Variants in SHLD1 observed in about 807,000 individuals in gnomAD.
SHLD1 encodes the protein RINN1-REV7-interacting novel NHEJ regulator 3.
SHLD1 carries 3 observed loss-of-function variants against 5.5 expected under a neutral mutation model. That is an observed-to-expected ratio of 0.54 (90% CI 0.25 to 1.40). SHLD1 has a LOEUF of 1.40. Ranked by LOEUF, SHLD1 falls within the 40% of genes most tolerant of loss-of-function variation. The pLI is 0.15. For missense variants in SHLD1, 210 were observed against 244.4 expected (o/e 0.86, Z 0.94); for synonymous variants, 92 against 94.3 (o/e 0.98, Z 0.14).
chr20:5,813,945 C>CTTTTTTTTTTTTTTTTTTTT (rs143110037), intron 2 of SHLD1, among the ~76,000 whole-genome samples: 1 of 79,974 alleles, frequency 1.3e-5, no homozygotes, highest in Non-Finnish European at 2.3e-5. Context: ...CCTTTTCTTT[C>CTTTTTTTTTTTTTTTTTTTT]TTTTTTTTTT....
intron 2 of SHLD1, among the ~76,000 whole-genome samples, chr20:5,827,769 G>A (rs890708002): frequency 3.9e-5 from 6 of 152,234 alleles, no homozygotes; most frequent in African/African-American, 1.4e-4. Flanking sequence ...CTTGCCTCCA[G>A]TTAGCTTCCC....
chr20:5,820,914 A>G (rs1208301874), intron 2 of SHLD1, among the ~76,000 whole-genome samples: 2 of 152,184 alleles, frequency 1.3e-5, no homozygotes, highest in African/African-American at 4.8e-5. Flanking sequence ...GCTGTCTTAG[A>G]GCTACACAAA....
At chr20:5,819,681 G>A (rs1175803572) in intron 2 of SHLD1, among the ~76,000 whole-genome samples, 1 of 152,168 alleles carries the variant, frequency 6.6e-6, no homozygotes, top group South Asian at 2.1e-4. Context: ...AATTAGCCAG[G>A]CATGGTGGAG....
intron 2 of SHLD1, among the ~76,000 whole-genome samples, chr20:5,789,623 T>G (rs1291620481): frequency 1.3e-5 from 2 of 149,558 alleles, no homozygotes; most frequent in Non-Finnish European, 3.0e-5. Flanking sequence ...AAAAAAAAAC[T>G]TTTGGAACTT....
intron 2 of SHLD1, among the ~76,000 whole-genome samples, chr20:5,787,797 A>G (rs893260301): frequency 6.6e-6 from 1 of 152,220 alleles, no homozygotes; most frequent in Non-Finnish European, 1.5e-5. Context: ...CATTTGTAAA[A>G]TTATCATAAA....
At chr20:5,757,231 C>T (rs1443050084) in intron 1 of SHLD1, among the ~76,000 whole-genome samples, 1 of 151,820 alleles carries the variant, frequency 6.6e-6, no homozygotes, top group Non-Finnish European at 1.5e-5. Context: ...AGTACACCAC[C>T]ACGCCCAGCT....
In SHLD1 at chr20:5,769,403, A is replaced by G. The variant is rs537772020; in HGVS notation, c.-4-3459A>G. Among the ~76,000 whole-genome samples the G allele has an allele frequency of 8.3e-4, 126 of 152,358 alleles. 1 individual carries two copies. The highest frequency in any genetic ancestry group is 6.8e-3 in the Middle Eastern group (2 of 294). ...GTAAACAAATACTGAGTTAAAGACC[A>G]TCAATAGCAGGGGAAAGTACAGCAG... is the stretch of plus-strand genomic sequence containing the variant. On this transcript the variant is annotated intron_variant, in intron 1 of 2. Transcript: ENST00000303142.
At chr20:5,854,115 C>T (rs531810683) in intron 2 of SHLD1, among the ~76,000 whole-genome samples, 3 of 151,906 alleles carry the variant, frequency 2.0e-5, no homozygotes, top group African/African-American at 7.3e-5. Flanking sequence ...AAGCAATTCT[C>T]CTGCCTCAGC....
At position 5,772,953 on chromosome 20, in the gene SHLD1, G is replaced by T. The variant is rs761567360; in HGVS notation, c.88G>T (p.Val30Phe). ...LPSACDIRDY[V>F]LQGPSQEANS... is the part of the protein sequence containing the mutation. Reference sequence around the variant, plus strand: ...ATCAGCGTGTGACATAAGAGATTACGTCCTGCAGGGACCCAGCCAAGAAGC... The same window carrying T: ...ATCAGCGTGTGACATAAGAGATTACTTCCTGCAGGGACCCAGCCAAGAAGC... The change falls in exon 2 of 3, where the codon GTC becomes TTC. Residue 30 changes from valine to phenylalanine, a missense_variant. Physicochemically the swap from Val to Phe is conservative, Grantham distance 50. Coordinates refer to ENST00000303142, the MANE Select transcript of SHLD1 (RefSeq NM_152504.4). 5.0e-6 allele frequency: 8 copies of T among 1,614,116 alleles called. No individual in the cohort carries two copies. Among genetic ancestry groups the T allele is most frequent in the Non-Finnish European group, 5.9e-6 (7 of 1,180,012 alleles).
intron 2 of SHLD1, among the ~76,000 whole-genome samples, chr20:5,820,632 A>G (rs1321299745): frequency 6.6e-6 from 1 of 152,262 alleles, no homozygotes; most frequent in African/African-American, 2.4e-5. Flanking sequence ...AAAAAAGGAT[A>G]GTTGTGAAAG....
intron 2 of SHLD1, among the ~76,000 whole-genome samples, chr20:5,792,425 T>C (rs1349431916): frequency 6.6e-6 from 1 of 152,094 alleles, no homozygotes; most frequent in African/African-American, 2.4e-5. Flanking sequence ...TGTTTGTTTG[T>C]TTTTGTTTTT....
intron 2 of SHLD1, among the ~76,000 whole-genome samples, chr20:5,845,059 A>C (rs975627553): frequency 6.6e-6 from 1 of 151,920 alleles, no homozygotes; most frequent in Non-Finnish European, 1.5e-5. Flanking sequence ...CGGCCTCCCA[A>C]AATGGTGAGC....
chr20:5,833,798 A>G (rs2087758457), intron 2 of SHLD1, among the ~76,000 whole-genome samples: 1 of 133,818 alleles, frequency 7.5e-6, no homozygotes, highest in Non-Finnish European at 1.6e-5. Context: ...AAAAAGAGAG[A>G]GAAAGAGAGA....
At chr20:5,756,139 C>G (rs1055823695) in intron 1 of SHLD1, among the ~76,000 whole-genome samples, 1 of 152,130 alleles carries the variant, frequency 6.6e-6, no homozygotes, top group Non-Finnish European at 1.5e-5. Flanking sequence ...CTCTGACCCC[C>G]CTTTCCATCA....
chr20:5,843,296 T>TTTC (rs1823973735), intron 2 of SHLD1, among the ~76,000 whole-genome samples: 1 of 55,232 alleles, frequency 1.8e-5, no homozygotes. Context: ...TGTTTTTTTC[T>TTTC]TTTTTTTTTT....
intron 2 of SHLD1, among the ~76,000 whole-genome samples, chr20:5,774,520 G>GGTTT (rs1404175260): frequency 2.0e-5 from 3 of 152,156 alleles, no homozygotes; most frequent in African/African-American, 7.2e-5. Context: ...AGAGAAAAGA[G>GGTTT]GTTTAATTGG....
At chr20:5,822,757 T>C (rs2087620841) in intron 2 of SHLD1, among the ~76,000 whole-genome samples, 1 of 152,020 alleles carries the variant, frequency 6.6e-6, no homozygotes, top group South Asian at 2.1e-4. Context: ...GCATTATCAA[T>C]CTTTCTCTCT....
At chr20:5,833,878 G>A (rs1314985735) in intron 2 of SHLD1, among the ~76,000 whole-genome samples, 2 of 152,174 alleles carry the variant, frequency 1.3e-5, no homozygotes, top group African/African-American at 4.8e-5. Flanking sequence ...TCACATCTTT[G>A]TCATTTCCAT....
chr20:5,755,103 T>G (rs1299517313), intron 1 of SHLD1, among the ~76,000 whole-genome samples: 2 of 151,366 alleles, frequency 1.3e-5, no homozygotes, highest in East Asian at 3.9e-4. Flanking sequence ...TTAAGGGGGT[T>G]TGTGGGAGCC....
Sources: gnomAD v4.1 joint callset for allele counts (sites outside exome capture counted in the v4.1 genomes callset) on GRCh38, gnomAD v4.1.1 for gene constraint, MANE v1.5 for transcripts, NCBI Gene and HGNC (gene_info 2026-07-23, HGNC 2026-07-21) for gene names.